The following HMOX2 variants were observed in gnomAD, a reference collection of about 807,000 sequenced individuals.
HMOX2 encodes heme oxygenase 2, also known as heme oxygenase (decycling) 2.
Under a neutral mutation model 33.7 loss-of-function variants are expected in HMOX2, and 30 were observed. That is an observed-to-expected ratio of 0.89 (90% CI 0.67 to 1.21). The LOEUF (loss-of-function observed/expected upper bound fraction) is 1.21, where lower values mean the gene tolerates loss of function less well. Among genes scored for constraint, HMOX2 ranks in the 50% most tolerant of loss-of-function variants. The pLI is 0.00. For missense variants in HMOX2, 403 were observed against 399.1 expected (o/e 1.01, Z -0.08); for synonymous variants, 155 against 155.0 (o/e 1.00, Z 0.00).
upstream of HMOX2, among the ~76,000 whole-genome samples, chr16:4,475,727 C>T (rs1175025131): frequency 6.6e-6 from 1 of 151,610 alleles, no homozygotes; most frequent in Admixed American, 6.6e-5. Context: ...CACCTGAGCT[C>T]AGGAGTTCGA....
At chr16:4,489,847 G>GT (rs774170612) in intron 1 of HMOX2, among the ~76,000 whole-genome samples, 22 of 152,222 alleles carry the variant, frequency 1.4e-4, no homozygotes, top group Non-Finnish European at 2.8e-4. Context: ...CCTGGCCTCA[G>GT]TGATCCTCCT....
chr16:4,505,666 C>A, intron 2 of HMOX2, 56 bp downstream of exon 2: 1 of 1,249,726 alleles, frequency 8.0e-7, no homozygotes, highest in Non-Finnish European at 1.1e-6. Context: ...CTGTCGTGCT[C>A]AGCACACCTG....
chr16:4,494,213 G>C (rs2058366600), intron 1 of HMOX2, among the ~76,000 whole-genome samples: 1 of 152,062 alleles, frequency 6.6e-6, no homozygotes, highest in Non-Finnish European at 1.5e-5. Context: ...CTACTCAGGA[G>C]GCTGAGGCAG....
chr16:4,509,913 G>C lies in HMOX2; in HGVS notation c.*157G>C. 1.3e-6 allele frequency: 1 copy of C among 778,382 alleles called. No homozygotes were observed. The highest frequency in any genetic ancestry group is 2.0e-6 in the Non-Finnish European group (1 of 494,108). The allele number at this position is 778,382 out of a possible 1,614,324, so 48.2% of individuals were successfully genotyped here. Reference sequence around the variant, plus strand: ...AAGCCAGATGCTAGAGCCTCTGCCTGACAGCATCCTCTCTATGGGCCATAT... The same window carrying C: ...AAGCCAGATGCTAGAGCCTCTGCCTCACAGCATCCTCTCTATGGGCCATAT... On this transcript the variant is annotated 3_prime_UTR_variant, in exon 6 of 6. Transcript: ENST00000570646.
chr16:4,506,893 A>G lies in HMOX2; in HGVS notation c.87-2A>G. 6.2e-7 allele frequency: 1 copy of G among 1,609,152 alleles called. No individual in the cohort carries two copies. The highest frequency in any genetic ancestry group is 2.2e-5 in the East Asian group (1 of 44,848). On this transcript the variant is annotated splice_acceptor_variant, in intron 2 of 5. Transcript: ENST00000570646. LOFTEE classifies it high-confidence loss of function. Reference sequence around the variant, plus strand: ...ACACAAACACCTCCCATCTCTCCACAGAATGGCTGACCTCTCGGAGCTCCT... The same window carrying G: ...ACACAAACACCTCCCATCTCTCCACGGAATGGCTGACCTCTCGGAGCTCCT...
intron 1 of HMOX2, among the ~76,000 whole-genome samples, chr16:4,492,696 C>T (rs771866262): frequency 8.6e-5 from 13 of 151,680 alleles, no homozygotes; most frequent in African/African-American, 1.7e-4. Context: ...TCCAGCCTGG[C>T]GACAGAGTGA....
chr16:4,479,726 A>ATTTT lies in HMOX2; in HGVS notation c.-42+3268_-42+3271dup, dbSNP rs58936845. 8.3e-4 allele frequency among the ~76,000 whole-genome samples: 66 copies of ATTTT among 79,852 alleles called. 1 individual carries two copies. Among genetic ancestry groups the ATTTT allele is most frequent in the East Asian group, 1.8e-3 (5 of 2,828 alleles). 52.4% of individuals were successfully genotyped at this position (79,852 alleles called of 152,430 possible). A position where few individuals can be genotyped will look rare whatever the true frequency, so the allele number is the denominator to read the frequency against. ...ACCCAGCCTGCCTTTTTCTTATTCTATTTTTTTTTTTTTTTTTTTTTTTTT... is the reference window on the plus strand; with the variant it reads ...ACCCAGCCTGCCTTTTTCTTATTCTATTTTTTTTTTTTTTTTTTTTTTTTTTTTT... On this transcript the variant is annotated intron_variant, in intron 1 of 5. Transcript: ENST00000570646.
intron 1 of HMOX2, among the ~76,000 whole-genome samples, chr16:4,504,682 CTTTTTTTTT>C (rs56922429): frequency 8.7e-4 from 57 of 65,838 alleles, no homozygotes; most frequent in Non-Finnish European, 1.4e-3. Context: ...TTGATACGGT[CTTTTTTTTT>C]TTTTTTTTTT....
At chr16:4,501,848 C>T (rs949808814) in intron 1 of HMOX2, among the ~76,000 whole-genome samples, 1 of 152,178 alleles carries the variant, frequency 6.6e-6, no homozygotes, top group African/African-American at 2.4e-5. Context: ...GCCACAGGGT[C>T]GCCTCCCCTG....
At chr16:4,503,133 C>T (rs541363473) in intron 1 of HMOX2, among the ~76,000 whole-genome samples, 7 of 151,074 alleles carry the variant, frequency 4.6e-5, no homozygotes, top group Admixed American at 3.3e-4. Context: ...TGTACTTTTA[C>T]CAAAAAAAAA....
chr16:4,484,394 G>A (rs1314569239), intron 1 of HMOX2, among the ~76,000 whole-genome samples: 3 of 151,892 alleles, frequency 2.0e-5, no homozygotes, highest in African/African-American at 7.3e-5. Context: ...CTCAGTATCT[G>A]TGGAGATTAG....
chr16:4,488,094 T>C (rs190283943), intron 1 of HMOX2, among the ~76,000 whole-genome samples: 124 of 150,532 alleles, frequency 8.2e-4, no homozygotes, highest in African/African-American at 2.9e-3. Flanking sequence ...TTGCACTCCA[T>C]TGTTTCGCTG....
chr16:4,508,247 C>G (rs1399925501), intron 4 of HMOX2, 43 bp downstream of exon 4: 35 of 1,557,446 alleles, frequency 2.2e-5, no homozygotes, highest in Non-Finnish European at 2.9e-5. Flanking sequence ...AAGAGGGAAA[C>G]TTTGACAGTG....
chr16:4,506,777 C>T, intron 2 of HMOX2, 118 bp from the exon 3 acceptor site: 1 of 716,166 alleles, frequency 1.4e-6, no homozygotes, highest in Non-Finnish European at 2.5e-6. Flanking sequence ...TGAGAAGCCC[C>T]AGCCTCCAGT....
At chr16:4,506,848 G>C in intron 2 of HMOX2, 47 bp from the exon 3 acceptor site, 1 of 1,372,788 alleles carries the variant, frequency 7.3e-7, no homozygotes. Flanking sequence ...TTTCTGGAAA[G>C]CTGGGAAGGG....
intron 1 of HMOX2, among the ~76,000 whole-genome samples, chr16:4,503,178 C>T (rs1319467194): frequency 6.6e-6 from 1 of 152,092 alleles, no homozygotes; most frequent in Non-Finnish European, 1.5e-5. Context: ...TCTGAAGGCC[C>T]ATGTGAGGCT....
At chr16:4,501,740 T>C (rs1490893412) in intron 1 of HMOX2, among the ~76,000 whole-genome samples, 1 of 142,398 alleles carries the variant, frequency 7.0e-6, no homozygotes, top group Non-Finnish European at 1.5e-5. Context: ...AGTCTGGACA[T>C]GTAGCTTTTC....
intron 1 of HMOX2, among the ~76,000 whole-genome samples, chr16:4,500,653 C>T (rs1297439533): frequency 2.6e-5 from 4 of 152,098 alleles, no homozygotes; most frequent in African/African-American, 9.7e-5. Context: ...TATATTCCCA[C>T]CTGGTAGCAA....
intron 1 of HMOX2, chr16:4,488,611 CTA>C (rs1467212626): frequency 6.6e-6 from 1 of 152,076 alleles, no homozygotes; most frequent in East Asian, 1.9e-4. Context: ...AGTTGTATAA[CTA>C]TTGCCTTTTT....
Sources: allele counts gnomAD v4.1 joint callset (sites outside exome capture counted in the v4.1 genomes callset), GRCh38; gene constraint gnomAD v4.1.1; transcripts MANE v1.5; gene names NCBI Gene and HGNC (gene_info 2026-07-23, HGNC 2026-07-21).